ZNF438: variants seen among roughly 807,000 people sequenced by gnomAD.
ZNF438 encodes zinc finger protein 438.
Under a neutral mutation model 38.0 loss-of-function variants are expected in ZNF438, and 25 were observed. The observed-to-expected ratio is 0.66, with a 90% CI of 0.48 to 0.92. ZNF438 has a LOEUF of 0.92. ZNF438 is among the 40% of genes least tolerant of loss of function. ZNF438 has a pLI of 0.00. For missense variants in ZNF438, 1,007 were observed against 999.6 expected (o/e 1.01, Z -0.10); for synonymous variants, 372 against 364.1 (o/e 1.02, Z -0.25).
chr10:30,998,344 T>C (rs1334413945), intron 1 of ZNF438, among the ~76,000 whole-genome samples: 1 of 151,430 alleles, frequency 6.6e-6, no homozygotes, highest in Non-Finnish European at 1.5e-5. Flanking sequence ...TTTGAGACCA[T>C]CCTGGCTAAC....
intron 1 of ZNF438, among the ~76,000 whole-genome samples, chr10:30,990,254 A>T (rs576370339): frequency 3.4e-4 from 52 of 152,320 alleles, no homozygotes; most frequent in Admixed American, 1.0e-3. Context: ...AGAAATAAGG[A>T]CATGTATCTC....
At chr10:30,937,317 T>TA (rs1482442328) in intron 2 of ZNF438, among the ~76,000 whole-genome samples, 2 of 152,214 alleles carry the variant, frequency 1.3e-5, no homozygotes, top group African/African-American at 4.8e-5. Context: ...CTAAAAATAT[T>TA]AAAATGCATA....
chr10:30,926,619 T>C lies in ZNF438; in HGVS notation c.-115+14956A>G, dbSNP rs1342819779. ...AGGCAGAGGTTGCAGTGAGCCAAGA[T>C]TGTGCCACTGCACTCCAGCCTGAGC... On this transcript the variant is annotated intron_variant, in intron 2 of 5. Transcript: ENST00000413025. Among the ~76,000 whole-genome samples the C allele has an allele frequency of 3.3e-5, 5 of 151,496 alleles. No homozygotes were observed. In the East Asian group the frequency reaches 7.8e-4, roughly 23 times the overall value.
At chr10:30,997,487 T>C (rs1005777765) in intron 1 of ZNF438, among the ~76,000 whole-genome samples, 4 of 152,110 alleles carry the variant, frequency 2.6e-5, no homozygotes, top group Non-Finnish European at 5.9e-5. Flanking sequence ...GAATTAAAGC[T>C]CTAGGCAAAT....
At chr10:30,981,764 G>A (rs1317661276) in intron 1 of ZNF438, among the ~76,000 whole-genome samples, 1 of 151,966 alleles carries the variant, frequency 6.6e-6, no homozygotes, top group Admixed American at 6.5e-5. Flanking sequence ...TGTAATCCCA[G>A]CTGCTCAGGA....
intron 2 of ZNF438, chr10:30,920,651 G>A (rs976113144): frequency 2.6e-5 from 4 of 152,274 alleles, no homozygotes; most frequent in African/African-American, 7.2e-5. Flanking sequence ...CCCAAATCAT[G>A]ACCTGGGTAT....
intron 3 of ZNF438, among the ~76,000 whole-genome samples, chr10:30,891,821 A>G (rs1463251822): frequency 6.6e-5 from 10 of 152,192 alleles, no homozygotes; most frequent in Admixed American, 5.9e-4. Flanking sequence ...ATACAGATAT[A>G]AGAAAAAGAT....
At chr10:30,956,360 CATA>C (rs998446914) in intron 1 of ZNF438, among the ~76,000 whole-genome samples, 4 of 152,268 alleles carry the variant, frequency 2.6e-5, no homozygotes, top group African/African-American at 9.6e-5. Flanking sequence ...ATTTTTGACA[CATA>C]ATAATTGTAT....
chr10:31,031,418 C>T (rs1041038811), intron 1 of ZNF438, among the ~76,000 whole-genome samples: 8 of 152,224 alleles, frequency 5.3e-5, no homozygotes, highest in Non-Finnish European at 1.0e-4. Flanking sequence ...ACGGCCAGGA[C>T]ATAGGATTCC....
intron 3 of ZNF438, among the ~76,000 whole-genome samples, chr10:30,896,672 C>T (rs974065175): frequency 1.3e-5 from 2 of 151,704 alleles, no homozygotes; most frequent in Non-Finnish European, 2.9e-5. Flanking sequence ...GAGGGGAGGC[C>T]GGAAGAGAAG....
At chr10:30,968,233 G>A (rs1190533520) in intron 1 of ZNF438, among the ~76,000 whole-genome samples, 2 of 151,984 alleles carry the variant, frequency 1.3e-5, no homozygotes, top group African/African-American at 4.8e-5. Flanking sequence ...GGGAAACGTG[G>A]CTCCTATAAA....
intron 3 of ZNF438, among the ~76,000 whole-genome samples, chr10:30,879,506 A>C (rs550337454): frequency 6.6e-6 from 1 of 152,370 alleles, no homozygotes; most frequent in African/African-American, 2.4e-5. Context: ...ATGATCCATA[A>C]TTTAGAAAAC....
chr10:30,983,045 T>C (rs767514377), intron 1 of ZNF438, among the ~76,000 whole-genome samples: 60 of 152,232 alleles, frequency 3.9e-4, no homozygotes, highest in South Asian at 6.2e-4. Context: ...CTGAGTCACA[T>C]TATTGGACTT....
chr10:31,031,107 C>T (rs2057262951), intron 1 of ZNF438, among the ~76,000 whole-genome samples: 1 of 152,204 alleles, frequency 6.6e-6, no homozygotes, highest in Admixed American at 6.5e-5. Flanking sequence ...GGTATAGAAT[C>T]AGATGGAGGG....
intron 2 of ZNF438, among the ~76,000 whole-genome samples, chr10:30,937,953 C>A: frequency 6.6e-6 from 1 of 152,170 alleles, no homozygotes; most frequent in African/African-American, 2.4e-5. Flanking sequence ...GCCCATTCTT[C>A]TAATTCAAGG....
intron 2 of ZNF438, among the ~76,000 whole-genome samples, chr10:30,936,729 T>C (rs2046298146): frequency 6.6e-6 from 1 of 152,124 alleles, no homozygotes; most frequent in South Asian, 2.1e-4. Flanking sequence ...AATAAACGTA[T>C]TGTCATGGAC....
At chr10:30,910,236 A>G (rs895845233) in intron 2 of ZNF438, 14 of 152,362 alleles carry the variant, frequency 9.2e-5, no homozygotes, top group Admixed American at 8.5e-4. Flanking sequence ...CCATACTTAA[A>G]GTGATCATAG....
At chr10:30,864,967 T>C (rs571502216) in intron 4 of ZNF438, among the ~76,000 whole-genome samples, 1 of 152,326 alleles carries the variant, frequency 6.6e-6, no homozygotes, top group East Asian at 1.9e-4. Context: ...AAAACAACAC[T>C]TCTTGCAAGA....
At chr10:30,973,488 A>C (rs1428145989) in intron 1 of ZNF438, among the ~76,000 whole-genome samples, 1 of 152,234 alleles carries the variant, frequency 6.6e-6, no homozygotes, top group Non-Finnish European at 1.5e-5. Flanking sequence ...ATACAGTGGC[A>C]CTTAAAAGCC....
Sources: allele counts gnomAD v4.1 joint callset (sites outside exome capture counted in the v4.1 genomes callset), GRCh38; gene constraint gnomAD v4.1.1; transcripts MANE v1.5; gene names NCBI Gene and HGNC (gene_info 2026-07-23, HGNC 2026-07-21).